Variants in TNS3 observed in about 807,000 individuals in gnomAD.
TNS3 encodes the protein tensin-3.
Under a neutral mutation model 140.9 loss-of-function variants are expected in TNS3, and 45 were observed. The observed-to-expected ratio is 0.32, with a 90% CI of 0.25 to 0.41. TNS3 has a LOEUF of 0.41. Among genes scored for constraint, TNS3 ranks in the 10% least tolerant of loss-of-function variants. The pLI, the probability that TNS3 is intolerant of heterozygous loss-of-function variation, is 1.00. For missense variants in TNS3, 1,716 were observed against 1,906.7 expected (o/e 0.90, Z 1.86); for synonymous variants, 815 against 788.4 (o/e 1.03, Z -0.56).
intron 28 of TNS3, among the ~76,000 whole-genome samples, chr7:47,282,206 T>C (rs1252339866): frequency 2.1e-5 from 3 of 143,624 alleles, no homozygotes; most frequent in African/African-American, 7.9e-5. Context: ...AACTGAGCTA[T>C]GCCTGACACT....
chr7:47,504,490 C>T (rs1798341840), intron 3 of TNS3, among the ~76,000 whole-genome samples: 2 of 152,234 alleles, frequency 1.3e-5, no homozygotes. Context: ...GGGGGTTTAA[C>T]ACAGCACACG....
intron 11 of TNS3, 66 bp downstream of exon 11, chr7:47,415,028 G>T: frequency 8.3e-7 from 1 of 1,206,368 alleles, no homozygotes; most frequent in Non-Finnish European, 1.2e-6. Flanking sequence ...CTAAATTGAG[G>T]GGCCCAGGAC....
At chr7:47,437,745 T>TAC (rs67341898) in intron 6 of TNS3, among the ~76,000 whole-genome samples, 17,736 of 135,534 alleles carry the variant, frequency 0.13, 1,258 homozygotes, top group African/African-American at 0.19. Flanking sequence ...ACATATAGGA[T>TAC]ACACACACAC....
intron 20 of TNS3, among the ~76,000 whole-genome samples, chr7:47,336,860 T>C (rs1467951845): frequency 6.6e-6 from 1 of 152,184 alleles, no homozygotes; most frequent in African/African-American, 2.4e-5. Flanking sequence ...TTAGCCTGGA[T>C]ACAGATGGGT....
At chr7:47,376,106 T>G (rs1211671224) in intron 16 of TNS3, among the ~76,000 whole-genome samples, 1 of 152,232 alleles carries the variant, frequency 6.6e-6, no homozygotes, top group African/African-American at 2.4e-5. Flanking sequence ...GACTAAGCAC[T>G]TGCTATGATT....
At chr7:47,368,103 T>C (rs548915498) in intron 17 of TNS3, among the ~76,000 whole-genome samples, 2 of 152,310 alleles carry the variant, frequency 1.3e-5, no homozygotes, top group Admixed American at 1.3e-4. Context: ...GCAGAGAGCA[T>C]GCTGTCCCTG....
chr7:47,436,809 T>C (rs977523321), intron 7 of TNS3, among the ~76,000 whole-genome samples: 1 of 152,130 alleles, frequency 6.6e-6, no homozygotes. Flanking sequence ...CATGCATATA[T>C]ATATGCAGTA....
chr7:47,443,591 A>G (rs1795575471), intron 4 of TNS3, among the ~76,000 whole-genome samples: 2 of 152,336 alleles, frequency 1.3e-5, no homozygotes, highest in South Asian at 4.1e-4. Flanking sequence ...AACAGATGCA[A>G]GATTTCAGAG....
At chr7:47,401,057 C>G in intron 13 of TNS3, 143 bp from the exon 14 acceptor site, 1 of 1,275,378 alleles carries the variant, frequency 7.8e-7, no homozygotes, top group Non-Finnish European at 1.1e-6. Flanking sequence ...AGTGGAACTT[C>G]AGCCCTGGGG....
chr7:47,328,917 C>T (rs561040070), intron 20 of TNS3, among the ~76,000 whole-genome samples: 2 of 152,196 alleles, frequency 1.3e-5, no homozygotes, highest in Non-Finnish European at 2.9e-5. Context: ...GCAGCCTCTA[C>T]GCACTGTGTC....
At chr7:47,520,979 T>C (rs1222316430) in intron 2 of TNS3, among the ~76,000 whole-genome samples, 1 of 152,224 alleles carries the variant, frequency 6.6e-6, no homozygotes, top group Non-Finnish European at 1.5e-5. Flanking sequence ...GAGCCAGGTG[T>C]TTATCTGCAC....
chr7:47,488,180 A>T (rs980863472), intron 3 of TNS3, among the ~76,000 whole-genome samples: 6 of 152,204 alleles, frequency 3.9e-5, no homozygotes, highest in Admixed American at 3.9e-4. Context: ...AAGATTGAAA[A>T]AGGATGCATT....
intron 1 of TNS3, among the ~76,000 whole-genome samples, chr7:47,541,273 T>C (rs894710264): frequency 6.6e-6 from 1 of 152,152 alleles, no homozygotes. Context: ...AATCAGATAT[T>C]GGTGTGACTC....
intron 28 of TNS3, among the ~76,000 whole-genome samples, chr7:47,281,596 A>G (rs1785147074): frequency 6.6e-6 from 1 of 152,220 alleles, no homozygotes; most frequent in African/African-American, 2.4e-5. Context: ...ATTGTTGGTG[A>G]GAAGATCCCC....
intron 3 of TNS3, among the ~76,000 whole-genome samples, chr7:47,503,628 A>T (rs1798308473): frequency 6.6e-6 from 1 of 152,212 alleles, no homozygotes; most frequent in Non-Finnish European, 1.5e-5. Context: ...GCTAAGAGAA[A>T]GTTATTTTTC....
intron 13 of TNS3, among the ~76,000 whole-genome samples, chr7:47,402,956 G>C (rs1793240326): frequency 6.6e-6 from 1 of 152,264 alleles, no homozygotes; most frequent in Non-Finnish European, 1.5e-5. Context: ...GCCCACAGGA[G>C]TCAGGAAACT....
At chr7:47,530,838 A>AAAAAAAAATATATATATATATATAT in intron 1 of TNS3, among the ~76,000 whole-genome samples, 1 of 54,566 alleles carries the variant, frequency 1.8e-5, no homozygotes, top group Non-Finnish European at 3.3e-5. Context: ...AAAAAAAAAA[A>AAAAAAAAATATATATATATATATAT]ATATATATAT....
At chr7:47,501,041 C>T (rs1798194207) in intron 3 of TNS3, among the ~76,000 whole-genome samples, 1 of 151,912 alleles carries the variant, frequency 6.6e-6, no homozygotes, top group Admixed American at 6.5e-5. Context: ...TGAAAGATCG[C>T]ACCACTGCAT....
intron 4 of TNS3, among the ~76,000 whole-genome samples, chr7:47,459,029 A>C (rs184265704): frequency 2.1e-3 from 324 of 152,288 alleles, no homozygotes; most frequent in Admixed American, 4.2e-3. Context: ...TAAAAGCCAA[A>C]TGGTGCTTTA....
Sources: gnomAD v4.1 joint callset for allele counts (sites outside exome capture counted in the v4.1 genomes callset) on GRCh38, gnomAD v4.1.1 for gene constraint, MANE v1.5 for transcripts, NCBI Gene and HGNC (gene_info 2026-07-23, HGNC 2026-07-21) for gene names.